The following LPXN variants were observed in gnomAD, a reference collection of about 807,000 sequenced individuals.
The protein encoded by LPXN is leupaxin.
LPXN carries 28 observed loss-of-function variants against 45.6 expected under a neutral mutation model. The observed-to-expected ratio is 0.61, with a 90% CI of 0.45 to 0.84. The LOEUF is 0.84. Ranked by LOEUF, LPXN falls within the 40% of genes least tolerant of loss-of-function variation. The pLI is 0.00. For synonymous variants in LPXN, 166 were observed against 169.9 expected (o/e 0.98, Z 0.18); for missense variants, 459 against 475.0 (o/e 0.97, Z 0.31).
rs187750754 is a variant in LPXN at position 58,553,526 on chromosome 11, G to C, written c.318+1315C>G. Among the ~76,000 whole-genome samples the C allele has an allele frequency of 3.7e-4, 57 of 152,194 alleles. No homozygotes were observed. The East Asian group carries it at 0.01, about 27-fold the overall frequency. On this transcript the variant is annotated intron_variant, in intron 4 of 8. Transcript: ENST00000395074. ...GACACTGGCCCATCAAAGGATGTCA[G>C]TCATTAAGGAAAACTTGTTTGTGAT...
intron 7 of LPXN, among the ~76,000 whole-genome samples, chr11:58,537,705 T>C (rs1432936639): frequency 6.6e-6 from 1 of 152,152 alleles, no homozygotes. Context: ...TAAATGATAG[T>C]GTTCAGAGTG....
intron 7 of LPXN, among the ~76,000 whole-genome samples, chr11:58,548,599 A>C (rs543149017): frequency 2.0e-5 from 3 of 152,336 alleles, no homozygotes; most frequent in East Asian, 1.9e-4. Context: ...CTTTAGAAAA[A>C]AATGAATTTA....
intron 7 of LPXN, among the ~76,000 whole-genome samples, chr11:58,537,169 C>A (rs1008352244): frequency 3.9e-5 from 6 of 152,112 alleles, no homozygotes; most frequent in Non-Finnish European, 8.8e-5. Context: ...GGGTATATAC[C>A]CAAAGCATTA....
At chr11:58,578,073 A>G (rs1485364996), upstream of LPXN, 1 of 1,549,570 alleles carries the variant, frequency 6.5e-7, no homozygotes, top group East Asian at 2.5e-5. Flanking sequence ...GTCCCAGAGG[A>G]GGTGTCATCT....
rs558706855 is a variant in LPXN at position 58,557,517 on chromosome 11, A to G, written c.219-2577T>C. Among the ~76,000 whole-genome samples, 6 of 152,330 alleles carry G rather than the reference A, an allele frequency of 3.9e-5. No individual in the cohort carries two copies. In the East Asian group the frequency reaches 1.2e-3, roughly 29 times the overall value. ...CTCTTTTGTCATTTAAAAAGGTCAA[A>G]TATGTAGATACACTGGTGATGAGAG... On this transcript the variant is annotated intron_variant, in intron 3 of 8. Coordinates refer to ENST00000395074, the MANE Select transcript of LPXN (RefSeq NM_004811.3).
intron 7 of LPXN, among the ~76,000 whole-genome samples, chr11:58,544,187 G>A (rs573766268): frequency 3.3e-5 from 5 of 152,106 alleles, no homozygotes; most frequent in African/African-American, 1.2e-4. Flanking sequence ...ACTGAATACC[G>A]TAAGTCCTAC....
rs746473262 is a variant in LPXN, at chr11:58,550,193, T to C, written c.487-47A>G. On this transcript the variant is annotated intron_variant, in intron 5 of 8. Transcript: ENST00000395074. ...GACACAGGAGGCCAGTTGAGTGCTC[T>C]ACAGCCTACAGGTTGCACAACTCTA... is the stretch of plus-strand genomic sequence containing the variant. 5.7e-6 allele frequency: 9 copies of C among 1,572,364 alleles called. No homozygotes were observed. The East Asian group carries it at 1.8e-4, about 32-fold the overall frequency.
At chr11:58,548,001 C>T (rs890789464) in intron 7 of LPXN, among the ~76,000 whole-genome samples, 5 of 151,156 alleles carry the variant, frequency 3.3e-5, no homozygotes, top group African/African-American at 1.2e-4. Flanking sequence ...AACAAACATA[C>T]AAAGGGGGAA....
In LPXN at chr11:58,554,879, C is replaced by A. The variant is rs762747318; in HGVS notation, c.280G>T (p.Asp94Tyr). 2.5e-6 allele frequency: 4 copies of A among 1,613,924 alleles called. No individual in the cohort carries two copies. The highest frequency in any genetic ancestry group is 3.4e-6 in the Non-Finnish European group (4 of 1,179,990). ...TCAGTCAGGTGAGCCATGAGCTCAT[C>A]CAACTGAGCAGCTGCTGACGTTTTA... ...PSKTSAAAQL[D>Y]ELMAHLTEMQ... Residue 94 changes from aspartate (D) to tyrosine (Y), a missense_variant, in exon 4 of 9, where the codon GAT becomes TAT. Coordinates refer to ENST00000395074, the MANE Select transcript of LPXN (RefSeq NM_004811.3).
intron 1 of LPXN, among the ~76,000 whole-genome samples, chr11:58,571,391 C>T (rs1042119872): frequency 6.6e-6 from 1 of 151,148 alleles, no homozygotes; most frequent in Admixed American, 6.6e-5. Context: ...ATCCTAAATG[C>T]TTTTTTCTAT....
chr11:58,571,122 C>T (rs115273075), intron 1 of LPXN, among the ~76,000 whole-genome samples: 4,537 of 152,016 alleles, frequency 0.03, 227 homozygotes, highest in African/African-American at 0.1. Flanking sequence ...CGGGAGGATC[C>T]CTTGAGCCTA....
At chr11:58,574,363 C>A (rs773971785) in intron 1 of LPXN, among the ~76,000 whole-genome samples, 39 of 152,062 alleles carry the variant, frequency 2.6e-4, no homozygotes, top group Admixed American at 6.5e-5. Flanking sequence ...CAGGTGTTCC[C>A]GACAGTGACA....
At chr11:58,555,293 G>C (rs890963285) in intron 3 of LPXN, among the ~76,000 whole-genome samples, 3 of 152,188 alleles carry the variant, frequency 2.0e-5, no homozygotes, top group African/African-American at 4.8e-5. Flanking sequence ...ACTGTCCATA[G>C]CTGCTTTTCT....
chr11:58,573,329 T>C (rs1854772498), intron 1 of LPXN, among the ~76,000 whole-genome samples: 1 of 151,998 alleles, frequency 6.6e-6, no homozygotes, highest in South Asian at 2.1e-4. Context: ...TTGCCTCAGA[T>C]TTTTATTAGC....
intron 8 of LPXN, 90 bp downstream of exon 8, chr11:58,527,953 T>A (rs1853275989): frequency 1.4e-6 from 2 of 1,432,784 alleles, no homozygotes; most frequent in African/African-American, 2.8e-5. Context: ...CATTCAGGAC[T>A]GTGAACCCTT....
At chr11:58,530,237 G>A (rs2120177793) in intron 7 of LPXN, among the ~76,000 whole-genome samples, 1 of 152,222 alleles carries the variant, frequency 6.6e-6, no homozygotes, top group East Asian at 1.9e-4. Context: ...AAGCCAGGGA[G>A]CCAAGTGGCC....
chr11:58,562,819 G>GA (rs1432951228), intron 3 of LPXN, among the ~76,000 whole-genome samples: 2 of 151,872 alleles, frequency 1.3e-5, no homozygotes, highest in Non-Finnish European at 2.9e-5. Context: ...TTGTGGGGGG[G>GA]AAATGCCCTG....
At position 58,532,277 on chromosome 11, in the gene LPXN, CT is replaced by C. The variant is rs1415500929; in HGVS notation, c.743-4087del. ...AAGCCTCCCCGACAGGTGCTGCCCC[CT>C]GCTCCGAGGCGCCCAGTCCCATCGA... On this transcript the variant is annotated intron_variant, in intron 7 of 8. Coordinates refer to ENST00000395074, the MANE Select transcript of LPXN (RefSeq NM_004811.3). Among the ~76,000 whole-genome samples, 97 of 152,354 alleles carry C rather than the reference CT, an allele frequency of 6.4e-4. 1 individual carries two copies. The highest frequency in any genetic ancestry group is 2.3e-3 in the African/African-American group (95 of 41,596).
intron 7 of LPXN, among the ~76,000 whole-genome samples, chr11:58,540,172 A>G (rs550172871): frequency 6.6e-6 from 1 of 152,304 alleles, no homozygotes; most frequent in East Asian, 1.9e-4. Flanking sequence ...GGAGTAAAGC[A>G]AAAAACAGTA....
Sources: gnomAD v4.1 joint callset for allele counts (sites outside exome capture counted in the v4.1 genomes callset) on GRCh38, gnomAD v4.1.1 for gene constraint, MANE v1.5 for transcripts, NCBI Gene and HGNC (gene_info 2026-07-23, HGNC 2026-07-21) for gene names.